PMFBP1: variants seen among roughly 807,000 people sequenced by gnomAD.
PMFBP1 encodes polyamine-modulated factor 1-binding protein 1.
Under a neutral mutation model 137.8 loss-of-function variants are expected in PMFBP1, and 131 were observed. The observed-to-expected ratio is 0.95, with a 90% CI of 0.82 to 1.10. The LOEUF is 1.10. PMFBP1 is among the 50% of genes least tolerant of loss of function. The pLI, the probability that PMFBP1 is intolerant of heterozygous loss-of-function variation, is 0.00. For missense variants in PMFBP1, 1,199 were observed against 1,175.4 expected (o/e 1.02, Z -0.29); for synonymous variants, 490 against 450.4 (o/e 1.09, Z -1.11).
chr16:72,135,333 G>C (rs1018571017), intron 9 of PMFBP1, among the ~76,000 whole-genome samples: 1 of 148,716 alleles, frequency 6.7e-6, no homozygotes, highest in Non-Finnish European at 1.5e-5. Context: ...GCACCACCAT[G>C]CCTGGCTAAT....
the PMFBP1 span, among the ~76,000 whole-genome samples, chr16:72,187,212 G>A: frequency 2.0e-5 from 3 of 152,048 alleles, no homozygotes; most frequent in Admixed American, 6.5e-5. Context: ...TAGTGGATGC[G>A]ATTTAAAATA....
intron 7 of PMFBP1, 48 bp from the exon 8 acceptor site, chr16:72,136,867 A>G (rs2042640820): frequency 6.2e-7 from 1 of 1,610,674 alleles, no homozygotes; most frequent in Non-Finnish European, 8.5e-7. Flanking sequence ...GAGACAATGG[A>G]GAGTGCTTTC....
chr16:72,235,254 C>G, the PMFBP1 span, among the ~76,000 whole-genome samples: 19 of 152,144 alleles, frequency 1.2e-4, no homozygotes, highest in South Asian at 1.7e-3. Context: ...GTTTTTCCAG[C>G]CCCATTTGTT....
At chr16:72,208,256 G>A in the PMFBP1 span, among the ~76,000 whole-genome samples, 1 of 152,216 alleles carries the variant, frequency 6.6e-6, no homozygotes, top group Non-Finnish European at 1.5e-5. Context: ...GTTAGCTTGT[G>A]GAAGGCTAAT....
chr16:72,182,882 A>T, the PMFBP1 span, among the ~76,000 whole-genome samples: 1 of 152,040 alleles, frequency 6.6e-6, no homozygotes, highest in Non-Finnish European at 1.5e-5. Context: ...TCTGTGTCCC[A>T]TGAGCTGCAT....
chr16:72,130,758 G>C, intron 10 of PMFBP1, 36 bp from the exon 11 acceptor site: 1 of 1,570,216 alleles, frequency 6.4e-7, no homozygotes. Context: ...TGAGAAGGGA[G>C]GGTGTATGAA....
intron 7 of PMFBP1, among the ~76,000 whole-genome samples, chr16:72,138,049 T>A (rs762962247): frequency 6.6e-6 from 1 of 152,064 alleles, no homozygotes; most frequent in Non-Finnish European, 1.5e-5. Context: ...AAAGGAAACA[T>A]AATGCGGTGG....
intron 18 of PMFBP1, among the ~76,000 whole-genome samples, chr16:72,123,290 C>T (rs983443108): frequency 6.6e-6 from 1 of 152,170 alleles, no homozygotes; most frequent in Admixed American, 6.5e-5. Flanking sequence ...GCCAATGTCC[C>T]CCTTCCTTCT....
At chr16:72,157,527 CT>C (rs987171560) in intron 3 of PMFBP1, among the ~76,000 whole-genome samples, 1 of 151,852 alleles carries the variant, frequency 6.6e-6, no homozygotes, top group South Asian at 2.1e-4. Flanking sequence ...GTTGCAGCCA[CT>C]TTTTTTTCTG....
chr16:72,141,601 A>G (rs1200221498), intron 5 of PMFBP1, among the ~76,000 whole-genome samples: 1 of 152,196 alleles, frequency 6.6e-6, no homozygotes, highest in Non-Finnish European at 1.5e-5. Flanking sequence ...TGAGTTAGAG[A>G]TTTATCAATG....
chr16:72,120,436 C>G (rs189225539), intron 19 of PMFBP1, among the ~76,000 whole-genome samples: 62 of 152,294 alleles, frequency 4.1e-4, no homozygotes, highest in African/African-American at 1.3e-3. Context: ...ACTTGAAGAG[C>G]CAGAAGGCTG....
At chr16:72,119,381 T>G in intron 20 of PMFBP1, 27 bp from the exon 21 acceptor site, 1 of 1,613,480 alleles carries the variant, frequency 6.2e-7, no homozygotes, top group Non-Finnish European at 8.5e-7. Flanking sequence ...GAAATGAGAG[T>G]TTTGATTCGA....
the PMFBP1 span, among the ~76,000 whole-genome samples, chr16:72,223,004 T>G: frequency 6.6e-6 from 1 of 152,044 alleles, no homozygotes; most frequent in Admixed American, 6.6e-5. Flanking sequence ...ATCTTGGGTA[T>G]TAATAAAAGG....
intron 5 of PMFBP1, among the ~76,000 whole-genome samples, chr16:72,142,127 C>G (rs1276372716): frequency 6.6e-6 from 1 of 152,080 alleles, no homozygotes; most frequent in East Asian, 1.9e-4. Flanking sequence ...GTTCAGTGAG[C>G]ATGAAAGCCT....
chr16:72,156,462 C>CA (rs549280175), intron 3 of PMFBP1, among the ~76,000 whole-genome samples: 24 of 151,036 alleles, frequency 1.6e-4, no homozygotes, highest in Non-Finnish European at 2.1e-4. Flanking sequence ...ACTAAAAATA[C>CA]AAAAAAAATT....
At chr16:72,210,149 G>A in the PMFBP1 span, among the ~76,000 whole-genome samples, 2 of 152,150 alleles carry the variant, frequency 1.3e-5, no homozygotes, top group African/African-American at 2.4e-5. Flanking sequence ...GGACTCTGAC[G>A]GATGCAGCGA....
intron 3 of PMFBP1, among the ~76,000 whole-genome samples, chr16:72,161,801 T>C (rs976789138): frequency 3.3e-5 from 5 of 152,216 alleles, no homozygotes; most frequent in South Asian, 2.1e-4. Context: ...GGATTTCACA[T>C]TGCATTTAGA....
At chr16:72,170,948 A>G (rs1400512649) in intron 2 of PMFBP1, among the ~76,000 whole-genome samples, 1 of 152,130 alleles carries the variant, frequency 6.6e-6, no homozygotes, top group African/African-American at 2.4e-5. Context: ...GGTGATCACA[A>G]TTCATATTTT....
chr16:72,188,830 C>T, the PMFBP1 span, among the ~76,000 whole-genome samples: 37 of 152,060 alleles, frequency 2.4e-4, no homozygotes, highest in Non-Finnish European at 4.6e-4. Flanking sequence ...CTATTAAGCT[C>T]GGCGGCCATG....
Sources: allele counts gnomAD v4.1 joint callset (sites outside exome capture counted in the v4.1 genomes callset), GRCh38; gene constraint gnomAD v4.1.1; transcripts MANE v1.5; gene names NCBI Gene and HGNC (gene_info 2026-07-23, HGNC 2026-07-21).